Variants in PCDHGB1 observed in about 807,000 individuals in gnomAD.
The protein encoded by PCDHGB1 is protocadherin gamma-B1.
Under a neutral mutation model 56.6 loss-of-function variants are expected in PCDHGB1, and 34 were observed. The observed-to-expected ratio is 0.60, with a 90% CI of 0.46 to 0.80. The LOEUF is 0.80. Ranked by LOEUF, PCDHGB1 falls within the 30% of genes least tolerant of loss-of-function variation. The pLI, the probability that PCDHGB1 is intolerant of heterozygous loss-of-function variation, is 0.00. For missense variants in PCDHGB1, 1,278 were observed against 1,204.6 expected, an observed-to-expected ratio of 1.06 and a Z score of -0.90; for synonymous variants, 561 against 505.9, an observed-to-expected ratio of 1.11 and a Z score of -1.46.
chr5:141,489,312 G>A lies in PCDHGB1; in HGVS notation c.2410-5495G>A, dbSNP rs745541067. The A allele has an allele frequency of 2.5e-6, 4 of 1,594,972 alleles. No homozygotes were observed. The highest frequency in any genetic ancestry group is 2.6e-6 in the Non-Finnish European group (3 of 1,169,822). On this transcript the variant is annotated intron_variant, in intron 1 of 3. Transcript: ENST00000523390. This position sits in a 1 kb window ranked among gnomAD's most constrained non-coding sequence, Gnocchi z 4.5. ...TGTGCATGTTGTCCTTGTGCTGCTG[G>A]GGCTGGGTGTCTGGGCAGCTTCGTT...
intron 1 of PCDHGB1, chr5:141,394,385 G>C: frequency 6.2e-7 from 1 of 1,614,206 alleles, no homozygotes. Context: ...ACTATGAGCA[G>C]ATCCGAGACC....
intron 1 of PCDHGB1, chr5:141,372,934 G>A (rs1469163224): frequency 3.5e-6 from 3 of 866,562 alleles, no homozygotes; most frequent in Non-Finnish European, 5.1e-6. Flanking sequence ...CTGGTGTAGA[G>A]TAGGGTGTCT....
At chr5:141,395,070 T>C (rs1222192652) in intron 1 of PCDHGB1, 1 of 1,614,158 alleles carries the variant, frequency 6.2e-7, no homozygotes, top group Non-Finnish European at 8.5e-7. Context: ...CCTGCAGACC[T>C]ATTCCCAGGA....
intron 1 of PCDHGB1, chr5:141,365,876 G>T: frequency 1.2e-6 from 2 of 1,614,122 alleles, no homozygotes; most frequent in Non-Finnish European, 1.7e-6. Context: ...TGTCCTGTAT[G>T]CTCTGAGATC....
chr5:141,476,966 G>A lies in PCDHGB1; in HGVS notation c.2410-17841G>A. ...CAACGGTGAAATTATTTACTCCTTC[G>A]GCAGCCACAACCGCGCCGGCGTGCG... On this transcript the variant is annotated intron_variant, in intron 1 of 3. Transcript: ENST00000523390. This position sits in a 1 kb window ranked among gnomAD's most constrained non-coding sequence, Gnocchi z 7.6. 1 of 1,614,152 alleles carries A rather than the reference G, an allele frequency of 6.2e-7. No individual in the cohort carries two copies. The highest frequency in any genetic ancestry group is 8.5e-7 in the Non-Finnish European group (1 of 1,180,032).
At chr5:141,371,063 C>T (rs774821524) in intron 1 of PCDHGB1, 2 of 1,613,962 alleles carry the variant, frequency 1.2e-6, no homozygotes, top group South Asian at 2.2e-5. Context: ...CCTCCAGAAG[C>T]TGTACCACCC....
chr5:141,477,351 G>A lies in PCDHGB1; in HGVS notation c.2410-17456G>A. 6.2e-7 allele frequency: 1 copy of A among 1,614,126 alleles called. No homozygotes were observed. The highest frequency in any genetic ancestry group is 8.5e-7 in the Non-Finnish European group (1 of 1,180,018). On this transcript the variant is annotated intron_variant, in intron 1 of 3. Transcript: ENST00000523390. This position sits in a 1 kb window ranked among gnomAD's most constrained non-coding sequence, Gnocchi z 4.9. ...AAGAATTACTTCACTTTGAAAACCA[G>A]TGCAGACCTGGATCGGGAGACTGTG...
chr5:141,422,850 G>C (rs184432819), intron 1 of PCDHGB1: 30 of 1,614,086 alleles, frequency 1.9e-5, no homozygotes, highest in Middle Eastern at 1.6e-4. Flanking sequence ...GCGGGGACCC[G>C]CCCCTCAGCA....
In PCDHGB1 at chr5:141,383,270, T is replaced by C. The variant is rs373497176; in HGVS notation, c.2409+30601T>C. 25 of 1,613,746 alleles carry C rather than the reference T, an allele frequency of 1.5e-5. No homozygotes were observed. Among genetic ancestry groups the C allele is most frequent in the East Asian group, 1.1e-4 (5 of 44,896 alleles). On this transcript the variant is annotated intron_variant, in intron 1 of 3. Transcript: ENST00000523390. ...CTTTACCCTATAGACGTGGAAATAA[T>C]AGATATTAATGACAACGTTCCAAGA...
At position 141,486,348 on chromosome 5, in the gene PCDHGB1, A is replaced by G. The variant is rs754981437; in HGVS notation, c.2410-8459A>G. ...GATGTGAGCCTCCGCATTCCTGACC[A>G]CTTGCCATTTGCCCTCAAGTCTGCC... is the stretch of plus-strand genomic sequence containing the variant. On this transcript the variant is annotated intron_variant, in intron 1 of 3. Transcript: ENST00000523390. The surrounding 1 kb of genome is among the most constrained non-coding windows in gnomAD (Gnocchi z 5.0). 1.9e-6 allele frequency: 3 copies of G among 1,613,900 alleles called. No individual in the cohort carries two copies. The highest frequency in any genetic ancestry group is 2.5e-6 in the Non-Finnish European group (3 of 1,179,996).
intron 2 of PCDHGB1, among the ~76,000 whole-genome samples, chr5:141,502,625 T>G (rs2099815384): frequency 6.6e-6 from 1 of 152,210 alleles, no homozygotes; most frequent in Admixed American, 6.5e-5. Context: ...ATAAGTAATC[T>G]GTGGATGATA....
At chr5:141,484,872 G>T in intron 1 of PCDHGB1, 1 of 319,608 alleles carries the variant, frequency 3.1e-6, no homozygotes, top group Non-Finnish European at 5.8e-6. Context: ...GGAGCGTGGA[G>T]GATAGGGTGG....
At chr5:141,452,134 T>C (rs539377216) in intron 1 of PCDHGB1, among the ~76,000 whole-genome samples, 2 of 152,344 alleles carry the variant, frequency 1.3e-5, no homozygotes, top group South Asian at 2.1e-4. Flanking sequence ...ATATGGCTCA[T>C]GTGTTTTTTC....
chr5:141,446,266 A>C (rs1268290014), intron 1 of PCDHGB1, among the ~76,000 whole-genome samples: 1 of 152,174 alleles, frequency 6.6e-6, no homozygotes, highest in African/African-American at 2.4e-5. Context: ...TTATTAACTG[A>C]ATAAATACAA....
intron 1 of PCDHGB1, among the ~76,000 whole-genome samples, chr5:141,438,587 C>CATAT (rs1372372472): frequency 2.7e-5 from 2 of 73,430 alleles, no homozygotes; most frequent in Non-Finnish European, 5.2e-5. Context: ...TACATACATA[C>CATAT]ATACATATAT....
chr5:141,382,942 C>G, intron 1 of PCDHGB1: 1 of 1,595,524 alleles, frequency 6.3e-7, no homozygotes, highest in African/African-American at 1.3e-5. Flanking sequence ...AGGATTCTTC[C>G]TGCTCTCCAT....
Position 141,374,676 on chromosome 5 carries a change from G to A in PCDHGB1, c.2409+22007G>A, listed in dbSNP as rs372705367. 2.7e-5 allele frequency: 43 copies of A among 1,610,386 alleles called. No homozygotes were observed. In the African/African-American group the frequency reaches 5.5e-4, roughly 21 times the overall value. On this transcript the variant is annotated intron_variant, in intron 1 of 3. Transcript: ENST00000523390. The stretch of plus-strand genomic sequence containing the variant: ...AAGTACCCGGAGCTGGTGCTGGAGG[G>A]CACACTGGACCGGGAAGGAGAAGCC...
chr5:141,393,486 A>G, intron 1 of PCDHGB1: 1 of 1,614,082 alleles, frequency 6.2e-7, no homozygotes. Flanking sequence ...TCGCTCTAGC[A>G]CAGTGCGCAT....
intron 1 of PCDHGB1, chr5:141,409,727 G>A (rs1000014772): frequency 6.2e-7 from 1 of 1,613,158 alleles, no homozygotes; most frequent in South Asian, 1.1e-5. Context: ...GTCAGTGAGC[G>A]CGCAGAGCGG....
Sources: allele counts gnomAD v4.1 joint callset (sites outside exome capture counted in the v4.1 genomes callset), GRCh38; gene constraint gnomAD v4.1.1; non-coding constraint Gnocchi (gnomAD v3.1); transcripts MANE v1.5; gene names NCBI Gene and HGNC (gene_info 2026-07-23, HGNC 2026-07-21).